The following RSPO2 variants were observed in gnomAD, a reference collection of about 807,000 sequenced individuals.
The protein encoded by RSPO2 is R-spondin 2.
Under a neutral mutation model 30.9 loss-of-function variants are expected in RSPO2, and 14 were observed. The ratio of observed to expected loss-of-function variants is 0.45; its 90% CI spans 0.30 to 0.71. The LOEUF is 0.71. Ranked by LOEUF, RSPO2 falls within the 30% of genes least tolerant of loss-of-function variation. The pLI is 0.08. For missense variants in RSPO2, 264 were observed against 301.9 expected (o/e 0.87, Z 0.93); for synonymous variants, 107 against 96.4 (o/e 1.11, Z -0.64).
intron 2 of RSPO2, among the ~76,000 whole-genome samples, chr8:108,028,204 C>A (rs1006600334): frequency 6.6e-6 from 1 of 152,130 alleles, no homozygotes; most frequent in Non-Finnish European, 1.5e-5. Flanking sequence ...ACCTTCTTGA[C>A]CCCCCTAAAC....
At position 107,901,033 on chromosome 8, in the gene RSPO2, T is replaced by G; in HGVS notation, c.*42A>C. On this transcript the variant is annotated 3_prime_UTR_variant, in exon 6 of 6. Coordinates refer to ENST00000276659, the MANE Select transcript of RSPO2 (RefSeq NM_178565.5). ...AGTGGAGAGTAGCTTTGTGCACATTTGCAAAAACAAAAACCCCTAAAAATC... is the reference window on the plus strand; with the variant it reads ...AGTGGAGAGTAGCTTTGTGCACATTGGCAAAAACAAAAACCCCTAAAAATC... 3 of 1,607,634 alleles carry G rather than the reference T, an allele frequency of 1.9e-6. No homozygotes were observed. The highest frequency in any genetic ancestry group is 2.5e-6 in the Non-Finnish European group (3 of 1,177,486).
intron 5 of RSPO2, among the ~76,000 whole-genome samples, chr8:107,907,481 T>C (rs1811686095): frequency 6.6e-6 from 1 of 152,118 alleles, no homozygotes; most frequent in South Asian, 2.1e-4. Context: ...GAGAGTTTAC[T>C]TGAATGTCAA....
chr8:107,978,832 C>T (rs986608431), intron 3 of RSPO2, among the ~76,000 whole-genome samples: 1 of 151,618 alleles, frequency 6.6e-6, no homozygotes, highest in Non-Finnish European at 1.5e-5. Flanking sequence ...ACAAATTTAC[C>T]AGAAAAAAAC....
intron 5 of RSPO2, among the ~76,000 whole-genome samples, chr8:107,939,356 T>G (rs1812817940): frequency 6.6e-6 from 1 of 152,046 alleles, no homozygotes; most frequent in Non-Finnish European, 1.5e-5. Context: ...TATAGCTGAT[T>G]TATCACAAGC....
intron 5 of RSPO2, among the ~76,000 whole-genome samples, chr8:107,953,609 G>C (rs1000393148): frequency 6.6e-6 from 1 of 152,092 alleles, no homozygotes; most frequent in Non-Finnish European, 1.5e-5. Context: ...TTTATCTTTG[G>C]TCTTTATCAT....
At chr8:108,030,544 T>C (rs1811387451) in intron 2 of RSPO2, among the ~76,000 whole-genome samples, 1 of 152,184 alleles carries the variant, frequency 6.6e-6, no homozygotes, top group Non-Finnish European at 1.5e-5. Flanking sequence ...GCCCAGAAAT[T>C]ACTGGGGAAA....
intron 5 of RSPO2, among the ~76,000 whole-genome samples, chr8:107,940,123 G>A (rs377697371): frequency 7.9e-5 from 12 of 152,180 alleles, no homozygotes; most frequent in African/African-American, 2.4e-4. Context: ...CACTGAACTG[G>A]CTAAGGGCTT....
At chr8:108,019,492 A>G (rs766580412) in intron 2 of RSPO2, among the ~76,000 whole-genome samples, 1 of 152,172 alleles carries the variant, frequency 6.6e-6, no homozygotes. Flanking sequence ...TAGGCGTTCC[A>G]CTTTGAGGGT....
intron 1 of RSPO2, 180 bp downstream of exon 1, chr8:108,083,017 T>G (rs935191897): frequency 5.0e-6 from 1 of 201,064 alleles, no homozygotes; most frequent in Non-Finnish European, 9.9e-6. Context: ...ATTAGCAACC[T>G]CTGCCGAGCC....
chr8:108,062,468 C>A (rs1383240620), intron 2 of RSPO2, among the ~76,000 whole-genome samples: 1 of 151,680 alleles, frequency 6.6e-6, no homozygotes, highest in Non-Finnish European at 1.5e-5. Flanking sequence ...ACACATACAC[C>A]CTCCCAAGAC....
chr8:108,039,148 C>T (rs746543522), intron 2 of RSPO2, among the ~76,000 whole-genome samples: 1 of 152,144 alleles, frequency 6.6e-6, no homozygotes, highest in Non-Finnish European at 1.5e-5. Flanking sequence ...CTCTCTTTCA[C>T]TATGCTCTGT....
chr8:107,926,961 C>T (rs1812397524), intron 5 of RSPO2, among the ~76,000 whole-genome samples: 2 of 152,072 alleles, frequency 1.3e-5, no homozygotes, highest in Admixed American at 6.6e-5. Flanking sequence ...ATGGGGATGG[C>T]ATTGAATCTA....
chr8:108,003,251 ATGTG>A (rs1171593916), intron 2 of RSPO2, among the ~76,000 whole-genome samples: 26 of 22,744 alleles, frequency 1.1e-3, no homozygotes, highest in Admixed American at 1.6e-3. Flanking sequence ...GTATGTATGT[ATGTG>A]TGTGTGTGTG....
At chr8:107,935,499 G>A (rs1197983658) in intron 5 of RSPO2, among the ~76,000 whole-genome samples, 1 of 152,034 alleles carries the variant, frequency 6.6e-6, no homozygotes, top group East Asian at 1.9e-4. Flanking sequence ...AACTGCCCAA[G>A]CCAGTGGGGA....
At chr8:108,067,614 A>G (rs1314370341) in intron 2 of RSPO2, among the ~76,000 whole-genome samples, 5 of 152,250 alleles carry the variant, frequency 3.3e-5, no homozygotes, top group African/African-American at 1.2e-4. Flanking sequence ...TATATGCAAC[A>G]CACAAGCATG....
chr8:107,934,955 T>C (rs1812667084), intron 5 of RSPO2, among the ~76,000 whole-genome samples: 1 of 152,210 alleles, frequency 6.6e-6, no homozygotes, highest in South Asian at 2.1e-4. Context: ...AACCCTGTGA[T>C]GATTGCGTTA....
chr8:107,953,330 A>G (rs1813314645), intron 5 of RSPO2, among the ~76,000 whole-genome samples: 1 of 152,132 alleles, frequency 6.6e-6, no homozygotes, highest in South Asian at 2.1e-4. Context: ...TTGAAGCCAC[A>G]TTTCCCCCCA....
chr8:108,054,816 A>G (rs534003712), intron 2 of RSPO2, among the ~76,000 whole-genome samples: 3 of 152,198 alleles, frequency 2.0e-5, no homozygotes, highest in African/African-American at 7.2e-5. Flanking sequence ...ATAGTTTACT[A>G]CAGAAAACGG....
rs551349917 is a variant in RSPO2 at position 107,973,281 on chromosome 8, T to TGGG, written c.284-12467_284-12465dup. Among the ~76,000 whole-genome samples, 84 of 146,130 alleles carry TGGG rather than the reference T, an allele frequency of 5.7e-4. 2 individuals carry two copies. In the South Asian group the frequency reaches 0.017, roughly 29 times the overall value. Reference sequence around the variant, plus strand: ...CGAGACTCCATCTCAAAAAAAAAAATGGGGGGGGAACTAGCCAAGGAAATT... The same window carrying TGGG: ...CGAGACTCCATCTCAAAAAAAAAAATGGGGGGGGGGGAACTAGCCAAGGAAATT... On this transcript the variant is annotated intron_variant, in intron 3 of 5. Coordinates refer to ENST00000276659, the MANE Select transcript of RSPO2 (RefSeq NM_178565.5).
Sources: gnomAD v4.1 joint callset for allele counts (sites outside exome capture counted in the v4.1 genomes callset) on GRCh38, gnomAD v4.1.1 for gene constraint, MANE v1.5 for transcripts, NCBI Gene and HGNC (gene_info 2026-07-23, HGNC 2026-07-21) for gene names.